HIPK1: variants seen among roughly 807,000 people sequenced by gnomAD.
HIPK1 encodes the protein homeodomain-interacting protein kinase 1.
In HIPK1, 28 loss-of-function variants were observed where a neutral mutation model predicts 117.1. The observed-to-expected ratio is 0.24, with a 90% CI of 0.18 to 0.33. HIPK1 has a LOEUF of 0.33. Among genes scored for constraint, HIPK1 ranks in the 10% least tolerant of loss-of-function variants. HIPK1 has a pLI of 1.00. For synonymous variants in HIPK1, 605 were observed against 562.5 expected (o/e 1.08, Z -1.07); for missense variants, 1,122 against 1,475.1 (o/e 0.76, Z 3.92).
At chr1:113,972,284 C>A (rs911330883) in intron 15 of HIPK1, among the ~76,000 whole-genome samples, 1 of 152,116 alleles carries the variant, frequency 6.6e-6, no homozygotes, top group Non-Finnish European at 1.5e-5. Context: ...TTCTCTTTAT[C>A]CCCCAGGCCA....
intron 1 of HIPK1, chr1:113,929,956 A>T: frequency 1.0e-6 from 1 of 985,174 alleles, no homozygotes; most frequent in Non-Finnish European, 1.2e-6. Flanking sequence ...GGGGACGGGC[A>T]GGAGGGGTCC....
At chr1:113,933,221 CAG>C (rs1440117431) in intron 1 of HIPK1, 1 of 983,168 alleles carries the variant, frequency 1.0e-6, no homozygotes, top group Admixed American at 6.2e-5. Flanking sequence ...GAGCTTTAAG[CAG>C]AGACTAGAAG....
rs1463921006 is a variant in HIPK1 at position 113,971,764 on chromosome 1, G to A, written c.3014-60G>A. 4 of 1,525,896 alleles carry A rather than the reference G, an allele frequency of 2.6e-6. No homozygotes were observed. In the African/African-American group the frequency reaches 4.2e-5, roughly 16 times the overall value. The allele number at this position is 1,525,896 out of a possible 1,614,324, so 94.5% of individuals were successfully genotyped here. Reference sequence around the variant, plus strand: ...ACAGATGTGGACTAATTAATATGATGCCATCTGAGGTTAGCTCAGTGATGT... The same window carrying A: ...ACAGATGTGGACTAATTAATATGATACCATCTGAGGTTAGCTCAGTGATGT... On this transcript the variant is annotated intron_variant, in intron 14 of 15. Transcript: ENST00000426820.
rs1243378685 is a variant in HIPK1, at chr1:113,976,096, TC to T, written c.*2585del. 6.5e-6 allele frequency: 1 copy of T among 152,768 alleles called. No homozygotes were observed. Among genetic ancestry groups the T allele is most frequent in the Non-Finnish European group, 1.5e-5 (1 of 68,038 alleles). 9.5% of individuals were successfully genotyped at this position (152,768 alleles called of 1,614,324 possible). A position where few individuals can be genotyped will look rare whatever the true frequency, so the allele number is the denominator to read the frequency against. Reference sequence around the variant, plus strand: ...TACCAGGTTGAACACCGAGGAGCTGTCAAAGTATTTGGAGTTTCTTCATTGT... The same window carrying T: ...TACCAGGTTGAACACCGAGGAGCTGTAAAGTATTTGGAGTTTCTTCATTGT... On this transcript the variant is annotated 3_prime_UTR_variant, in exon 16 of 16. Transcript: ENST00000426820.
At chr1:113,929,671 G>C in intron 1 of HIPK1, 139 bp downstream of exon 1, 1 of 906,138 alleles carries the variant, frequency 1.1e-6, no homozygotes, top group Non-Finnish European at 1.4e-6. Flanking sequence ...CGGTAGCCCC[G>C]GACGGCAGCA....
chr1:113,949,446 T>TG (rs780265400), intron 2 of HIPK1, among the ~76,000 whole-genome samples: 14 of 152,154 alleles, frequency 9.2e-5, no homozygotes, highest in Admixed American at 2.6e-4. Context: ...TGGGTAGTCT[T>TG]ACTAGCTTAT....
chr1:113,959,618 A>T (rs1208539639), intron 8 of HIPK1, among the ~76,000 whole-genome samples: 1 of 152,212 alleles, frequency 6.6e-6, no homozygotes, highest in Non-Finnish European at 1.5e-5. Context: ...AAGCAGAAGA[A>T]CTTTTGAGTT....
At chr1:113,952,069 G>A (rs1671403918) in intron 2 of HIPK1, among the ~76,000 whole-genome samples, 1 of 150,408 alleles carries the variant, frequency 6.6e-6, no homozygotes, top group Non-Finnish European at 1.5e-5. Context: ...CTCCTGAGTA[G>A]CTGGGATTAC....
rs1388149528 is a variant in HIPK1 at position 113,929,381 on chromosome 1, C to G, written c.-154C>G. On this transcript the variant is annotated 5_prime_UTR_variant, in exon 1 of 16. Transcript: ENST00000426820. ...AGGCACCTTTAAATCACCGCAGAGT[C>G]TGCAGTGCGGAGGGGGCGGGAAGTC... The G allele has an allele frequency of 7.8e-7, 1 of 1,289,386 alleles. No individual in the cohort carries two copies. The highest frequency in any genetic ancestry group is 1.0e-6 in the Non-Finnish European group (1 of 988,896). 79.9% of individuals were successfully genotyped at this position (1,289,386 alleles called of 1,614,324 possible). A position where few individuals can be genotyped will look rare whatever the true frequency, so the allele number is the denominator to read the frequency against.
intron 10 of HIPK1, 27 bp downstream of exon 10, chr1:113,963,548 C>G: frequency 1.9e-6 from 3 of 1,573,678 alleles, no homozygotes; most frequent in Non-Finnish European, 2.6e-6. Context: ...GATTGTGTTA[C>G]TAACGGAGTT....
intron 15 of HIPK1, 87 bp from the exon 16 acceptor site, chr1:113,972,937 A>G (rs1672933552): frequency 1.4e-6 from 2 of 1,430,414 alleles, no homozygotes. Context: ...AAACAGTACA[A>G]GTCAGAACCT....
chr1:113,955,919 C>T (rs1028726449), intron 5 of HIPK1, among the ~76,000 whole-genome samples: 2 of 152,058 alleles, frequency 1.3e-5, no homozygotes, highest in African/African-American at 4.8e-5. Flanking sequence ...GTCCCATTTT[C>T]TCTATTAAAT....
chr1:113,930,018 G>C, intron 1 of HIPK1: 3 of 985,060 alleles, frequency 3.0e-6, no homozygotes, highest in Non-Finnish European at 3.6e-6. Context: ...CGGGCCGGCC[G>C]CCGGCTCTCC....
chr1:113,947,868 C>A (rs2101238369), intron 2 of HIPK1, among the ~76,000 whole-genome samples: 1 of 152,304 alleles, frequency 6.6e-6, no homozygotes, highest in South Asian at 2.1e-4. Context: ...TTAACAGTTT[C>A]TTTCACTTTC....
Position 113,952,889 on chromosome 1 carries a change from G to A in HIPK1, c.1200G>A (p.Gln400=). 1 of 1,487,304 alleles carries A rather than the reference G, an allele frequency of 6.7e-7. No homozygotes were observed. Among genetic ancestry groups the A allele is most frequent in the Non-Finnish European group, 8.9e-7 (1 of 1,119,500 alleles). 92.1% of individuals were successfully genotyped at this position (1,487,304 alleles called of 1,614,324 possible). A position where few individuals can be genotyped will look rare whatever the true frequency, so the allele number is the denominator to read the frequency against. ...PLYPGASEYD[Q]IRYISQTQGL... is the part of the protein sequence containing the mutation. ...ATCCTGGTGCTTCAGAATATGATCA[G>A]GTAAAAGTGTTTATTTGAATGGAAA... The change falls in exon 3 of 16, where the codon CAG becomes CAA. Residue 400 remains glutamine, a splice_region_variant and synonymous_variant. Coordinates refer to ENST00000426820, the MANE Select transcript of HIPK1 (RefSeq NM_198268.3).
At position 113,940,727 on chromosome 1, in the gene HIPK1, T is replaced by C; in HGVS notation, c.344T>C (p.Leu115Pro). The change falls in exon 2 of 16, where the codon CTT becomes CCT. Residue 115 changes from leucine to proline, a missense_variant. Coordinates refer to ENST00000426820, the MANE Select transcript of HIPK1 (RefSeq NM_198268.3). ...ACTCACAGAAGCAACGTTTCTTTGCTTGAGCCATATCAAAAATGTGGATTG... is the reference window on the plus strand; with the variant it reads ...ACTCACAGAAGCAACGTTTCTTTGCCTGAGCCATATCAAAAATGTGGATTG... ...TLTHRSNVSL[L>P]EPYQKCGLKR... The C allele has an allele frequency of 6.2e-7, 1 of 1,614,162 alleles. No homozygotes were observed. Among genetic ancestry groups the C allele is most frequent in the Non-Finnish European group, 8.5e-7 (1 of 1,180,046 alleles).
chr1:113,949,718 C>T (rs1253363848), intron 2 of HIPK1, among the ~76,000 whole-genome samples: 2 of 151,822 alleles, frequency 1.3e-5, no homozygotes, highest in African/African-American at 4.8e-5. Flanking sequence ...CCTGCCTCAG[C>T]CTCCTGAGTA....
chr1:113,940,352 T>G (rs1228227482), intron 1 of HIPK1, 30 bp from the exon 2 acceptor site: 1 of 1,521,424 alleles, frequency 6.6e-7, no homozygotes, highest in South Asian at 1.3e-5. Context: ...TTTATCCTTG[T>G]GGTCTAATTC....
At chr1:113,958,924 C>T (rs1438547723) in intron 8 of HIPK1, among the ~76,000 whole-genome samples, 1 of 152,064 alleles carries the variant, frequency 6.6e-6, no homozygotes, top group Admixed American at 6.6e-5. Context: ...AAGGAGGAGG[C>T]GGAGTCCCTG....
Sources: allele counts gnomAD v4.1 joint callset (sites outside exome capture counted in the v4.1 genomes callset), GRCh38; gene constraint gnomAD v4.1.1; transcripts MANE v1.5; gene names NCBI Gene and HGNC (gene_info 2026-07-23, HGNC 2026-07-21).